AGMO: variants seen among roughly 807,000 people sequenced by gnomAD.
AGMO encodes glyceryl-ether monooxygenase.
Under a neutral mutation model 60.2 loss-of-function variants are expected in AGMO, and 75 were observed. That is an observed-to-expected ratio of 1.25 (90% CI 1.03 to 1.51). The LOEUF is 1.51. Ranked by LOEUF, AGMO falls within the 40% of genes most tolerant of loss-of-function variation. AGMO has a pLI of 0.00. For missense variants in AGMO, 763 were observed against 525.5 expected (o/e 1.45, Z -4.42); for synonymous variants, 261 against 177.1 (o/e 1.47, Z -3.76).
At chr7:15,535,715 G>A (rs1784469222) in intron 3 of AGMO, among the ~76,000 whole-genome samples, 1 of 151,814 alleles carries the variant, frequency 6.6e-6, no homozygotes, top group Admixed American at 6.6e-5. Context: ...TTTGGTGCAG[G>A]CATGCAATGT....
At chr7:15,439,894 C>A (rs1030626726) in intron 3 of AGMO, among the ~76,000 whole-genome samples, 1 of 152,016 alleles carries the variant, frequency 6.6e-6, no homozygotes, top group Non-Finnish European at 1.5e-5. Flanking sequence ...GGGATGAGAC[C>A]CCCCGACCCT....
chr7:15,252,343 T>C (rs1782963533), intron 12 of AGMO, among the ~76,000 whole-genome samples: 1 of 152,216 alleles, frequency 6.6e-6, no homozygotes, highest in African/African-American at 2.4e-5. Flanking sequence ...TGCCCTGTGA[T>C]ATTCCTTCCC....
At chr7:15,454,062 G>A (rs972965494) in intron 3 of AGMO, among the ~76,000 whole-genome samples, 6 of 149,196 alleles carry the variant, frequency 4.0e-5, no homozygotes, top group Non-Finnish European at 5.9e-5. Flanking sequence ...AGAGAATTTT[G>A]AGAGAACTTA....
chr7:15,513,186 T>C (rs1583631771), intron 3 of AGMO, among the ~76,000 whole-genome samples: 1 of 152,218 alleles, frequency 6.6e-6, no homozygotes, highest in Non-Finnish European at 1.5e-5. Context: ...TGTTCTTTGA[T>C]ATGTGATGGT....
chr7:15,135,159 AGTTTGTGTGT>A, the AGMO span, among the ~76,000 whole-genome samples: 5,395 of 124,926 alleles, frequency 0.043, 121 homozygotes, highest in Middle Eastern at 0.11. Flanking sequence ...TATTTATATG[AGTTTGTGTGT>A]GTGTGTGTGT....
chr7:15,349,062 TTA>T (rs1260262570), intron 12 of AGMO, among the ~76,000 whole-genome samples: 1 of 152,146 alleles, frequency 6.6e-6, no homozygotes, highest in Non-Finnish European at 1.5e-5. Context: ...AAGTAACACT[TTA>T]TGAGTACAAC....
the AGMO span, among the ~76,000 whole-genome samples, chr7:15,130,313 T>A: frequency 6.6e-6 from 1 of 152,090 alleles, no homozygotes; most frequent in South Asian, 2.1e-4. Context: ...CCTTTTTTTT[T>A]CTGACAATAG....
intron 3 of AGMO, among the ~76,000 whole-genome samples, chr7:15,487,863 T>C (rs1031650838): frequency 6.6e-6 from 1 of 152,180 alleles, no homozygotes; most frequent in Non-Finnish European, 1.5e-5. Flanking sequence ...AAGTAAAATA[T>C]ATTTTCACCT....
At chr7:15,559,863 A>G (rs1433708771) in intron 2 of AGMO, among the ~76,000 whole-genome samples, 2 of 152,100 alleles carry the variant, frequency 1.3e-5, no homozygotes, top group Non-Finnish European at 2.9e-5. Context: ...AGAGAACCAG[A>G]CCATAACTCA....
At chr7:15,404,333 A>G (rs1158867327) in intron 5 of AGMO, among the ~76,000 whole-genome samples, 1 of 151,964 alleles carries the variant, frequency 6.6e-6, no homozygotes, top group Non-Finnish European at 1.5e-5. Context: ...CAAGAGCAGG[A>G]CAAGTTAGCA....
At chr7:15,435,019 T>G (rs1781361423) in intron 3 of AGMO, among the ~76,000 whole-genome samples, 1 of 152,124 alleles carries the variant, frequency 6.6e-6, no homozygotes. Flanking sequence ...TGAAGATCCC[T>G]TCATTTTGCT....
At chr7:15,388,546 T>C (rs1388365281) in intron 8 of AGMO, among the ~76,000 whole-genome samples, 1 of 152,228 alleles carries the variant, frequency 6.6e-6, no homozygotes, top group Non-Finnish European at 1.5e-5. Context: ...ACACAAGCCA[T>C]GAGAAATATA....
chr7:15,356,196 C>G (rs1425703511), intron 12 of AGMO, among the ~76,000 whole-genome samples: 1 of 152,122 alleles, frequency 6.6e-6, no homozygotes, highest in Non-Finnish European at 1.5e-5. Flanking sequence ...CAATTCCCAT[C>G]TAGATGTATA....
chr7:15,433,626 T>G (rs1015010800), intron 3 of AGMO, among the ~76,000 whole-genome samples: 1 of 152,118 alleles, frequency 6.6e-6, no homozygotes, highest in African/African-American at 2.4e-5. Flanking sequence ...TGATGAATTA[T>G]CTGTTTTAAG....
chr7:15,156,519 CA>C, the AGMO span, among the ~76,000 whole-genome samples: 1 of 152,160 alleles, frequency 6.6e-6, no homozygotes, highest in South Asian at 2.1e-4. Flanking sequence ...CTGTCTCTGC[CA>C]ACTCCCCAGA....
chr7:15,503,090 T>C lies in AGMO; in HGVS notation c.409+41682A>G, dbSNP rs147399145. 4.1e-3 allele frequency among the ~76,000 whole-genome samples: 626 copies of C among 152,208 alleles called. 4 individuals carry two copies. The highest frequency in any genetic ancestry group is 0.014 in the African/African-American group (586 of 41,556). On this transcript the variant is annotated intron_variant, in intron 3 of 12. Coordinates refer to ENST00000342526, the MANE Select transcript of AGMO (RefSeq NM_001004320.2). Reference sequence around the variant, plus strand: ...TTAGAGACAAACTGACCCACCACTTTAAGTCATTCATTCATTTTTTTTCAA... The same window carrying C: ...TTAGAGACAAACTGACCCACCACTTCAAGTCATTCATTCATTTTTTTTCAA...
chr7:15,461,616 G>T (rs143872622), intron 3 of AGMO, among the ~76,000 whole-genome samples: 1 of 152,066 alleles, frequency 6.6e-6, no homozygotes, highest in African/African-American at 2.4e-5. Flanking sequence ...AGAGACACCC[G>T]ATCTGCTGGT....
intron 5 of AGMO, among the ~76,000 whole-genome samples, chr7:15,408,825 A>G (rs184914211): frequency 2.7e-4 from 41 of 152,010 alleles, no homozygotes; most frequent in Admixed American, 2.4e-3. Flanking sequence ...AAGTAAATAC[A>G]TGTAAAATAA....
chr7:15,262,881 T>C (rs914933975), intron 12 of AGMO, among the ~76,000 whole-genome samples: 4 of 151,980 alleles, frequency 2.6e-5, no homozygotes, highest in Non-Finnish European at 5.9e-5. Flanking sequence ...AAGCCACATG[T>C]AGAAGAATGA....
Sources: gnomAD v4.1 joint callset for allele counts (sites outside exome capture counted in the v4.1 genomes callset) on GRCh38, gnomAD v4.1.1 for gene constraint, MANE v1.5 for transcripts, NCBI Gene and HGNC (gene_info 2026-07-23, HGNC 2026-07-21) for gene names.